The following CTBP2 variants were observed in gnomAD, a reference collection of about 807,000 sequenced individuals.
The protein encoded by CTBP2 is C-terminal-binding protein 2.
CTBP2 carries 30 observed loss-of-function variants against 80.3 expected under a neutral mutation model. That is an observed-to-expected ratio of 0.37 (90% confidence interval 0.28 to 0.51). The LOEUF is 0.51. Ranked by LOEUF, CTBP2 falls within the 20% of genes least tolerant of loss-of-function variation. CTBP2 has a pLI of 0.93. For synonymous variants in CTBP2, 594 were observed against 587.4 expected (o/e 1.01, Z -0.16); for missense variants, 1,212 against 1,375.3 (o/e 0.88, Z 1.88).
At chr10:125,098,647 T>G (rs1199394313) in intron 2 of CTBP2, among the ~76,000 whole-genome samples, 20 of 21,582 alleles carry the variant, frequency 9.3e-4, no homozygotes, top group Non-Finnish European at 1.3e-3. Flanking sequence ...GAGAGAGAAA[T>G]GGGGGAGGGG....
intron 2 of CTBP2, among the ~76,000 whole-genome samples, chr10:125,097,808 A>G (rs1849772821): frequency 6.6e-6 from 1 of 152,134 alleles, no homozygotes; most frequent in South Asian, 2.1e-4. Flanking sequence ...AGGTACAAGC[A>G]GAAGGCAAAA....
chr10:125,115,487 T>C (rs1853094106), intron 1 of CTBP2, among the ~76,000 whole-genome samples: 1 of 152,174 alleles, frequency 6.6e-6, no homozygotes, highest in Non-Finnish European at 1.5e-5. Context: ...TGAGAAGTAG[T>C]ATCCTGCCTG....
intron 2 of CTBP2, among the ~76,000 whole-genome samples, chr10:125,101,423 T>C (rs555196136): frequency 4.7e-4 from 72 of 152,336 alleles, no homozygotes; most frequent in South Asian, 2.3e-3. Flanking sequence ...CAGGTGGGCA[T>C]AGGAGCGGGT....
At chr10:124,997,842 G>A (rs979040973) in intron 4 of CTBP2, 122 bp downstream of exon 6, 1 of 1,012,566 alleles carries the variant, frequency 9.9e-7, no homozygotes, top group Admixed American at 2.4e-5. Flanking sequence ...CACGGGGAGG[G>A]TGCTGGCCCT....
At chr10:125,133,073 A>C (rs1433834709) in intron 1 of CTBP2, among the ~76,000 whole-genome samples, 1 of 152,140 alleles carries the variant, frequency 6.6e-6, no homozygotes, top group African/African-American at 2.4e-5. Flanking sequence ...CCTGCTTGCT[A>C]AATCTCCTTG....
chr10:125,144,583 G>T (rs1354851260), intron 1 of CTBP2, among the ~76,000 whole-genome samples: 1 of 152,162 alleles, frequency 6.6e-6, no homozygotes, highest in Non-Finnish European at 1.5e-5. Context: ...TAAAACAGCA[G>T]GTATCACTCC....
rs1403408376 is a variant in CTBP2 at position 125,028,025 on chromosome 10, G to C, written c.-266C>G. 2 of 892,754 alleles carry C rather than the reference G, an allele frequency of 2.2e-6. No individual in the cohort carries two copies. The highest frequency in any genetic ancestry group is 3.0e-6 in the Non-Finnish European group (2 of 676,822). 55.3% of individuals were successfully genotyped at this position (892,754 alleles called of 1,614,324 possible). On this transcript the variant is annotated 5_prime_UTR_variant, in exon 1 of 9. Transcript: ENST00000309035. ...TTCCTTACAGCTCAGTCCCGGAGAG[G>C]AGGCTGTCCCCAGCCTGCCAGGTCC... is the stretch of plus-strand genomic sequence containing the variant.
chr10:125,026,682 G>C lies in CTBP2; in HGVS notation c.1078C>G (p.Arg360Gly). The C allele has an allele frequency of 6.2e-7, 1 of 1,609,230 alleles. No homozygotes were observed. The highest frequency in any genetic ancestry group is 8.5e-7 in the Non-Finnish European group (1 of 1,178,360). Residue 360 changes from arginine to glycine, a missense_variant, in exon 1 of 9, where the codon CGG becomes GGG. Physicochemically the swap from Arg to Gly is moderately radical, Grantham distance 125. Around this residue, in one of 3 missense-constraint regions of CTBP2, gnomAD observed 848 missense variants for 782.3 expected, o/e 1.08. Coordinates refer to ENST00000309035, the MANE Select transcript of CTBP2 (RefSeq NM_022802.3). ...CGCGCCCGGGGCAGCGGGCCCCCCC[G>C]GTCCTGCCTCCGCAGCTGCATTTCG...
intron 1 of CTBP2, among the ~76,000 whole-genome samples, chr10:125,006,917 C>T (rs986099451): frequency 1.3e-5 from 2 of 152,240 alleles, no homozygotes; most frequent in African/African-American, 4.8e-5. Context: ...ACGGCCTTTT[C>T]CATGCGTACA....
chr10:125,023,948 A>G (rs1957300446), intron 1 of CTBP2, among the ~76,000 whole-genome samples: 2 of 152,294 alleles, frequency 1.3e-5, no homozygotes, highest in African/African-American at 4.8e-5. Flanking sequence ...GAAGCACTTG[A>G]GTTAGGCGGC....
chr10:125,045,797 T>C (rs1961091078), intron 2 of CTBP2, among the ~76,000 whole-genome samples: 1 of 152,188 alleles, frequency 6.6e-6, no homozygotes, highest in South Asian at 2.1e-4. Flanking sequence ...GTCGTGACCC[T>C]TTCTAATATA....
At chr10:125,010,879 T>G (rs1362820004) in intron 1 of CTBP2, among the ~76,000 whole-genome samples, 1 of 152,124 alleles carries the variant, frequency 6.6e-6, no homozygotes, top group African/African-American at 2.4e-5. Flanking sequence ...TTTCCTCCAG[T>G]GAGGTACAAC....
At chr10:125,067,347 T>C (rs186239176) in intron 2 of CTBP2, among the ~76,000 whole-genome samples, 31 of 152,276 alleles carry the variant, frequency 2.0e-4, no homozygotes, top group African/African-American at 7.2e-4. Context: ...GATTCTGGGA[T>C]GGAAAAAGGA....
At chr10:124,990,863 G>C (rs76497870) in intron 8 of CTBP2, among the ~76,000 whole-genome samples, 1 of 152,176 alleles carries the variant, frequency 6.6e-6, no homozygotes, top group Non-Finnish European at 1.5e-5. Context: ...CTGCCTGGCC[G>C]TCACCAGAAC....
At chr10:125,121,385 G>A (rs1206464334) in intron 1 of CTBP2, among the ~76,000 whole-genome samples, 1 of 152,202 alleles carries the variant, frequency 6.6e-6, no homozygotes, top group Non-Finnish European at 1.5e-5. Context: ...AAAGAGGCCT[G>A]AAGGAAACCG....
chr10:125,139,807 G>A (rs1268995791), intron 1 of CTBP2, among the ~76,000 whole-genome samples: 2 of 152,192 alleles, frequency 1.3e-5, no homozygotes, highest in African/African-American at 4.8e-5. Context: ...CCTTGTGGCT[G>A]CCTAGAACTG....
At chr10:125,106,766 C>A (rs71488655) in intron 2 of CTBP2, among the ~76,000 whole-genome samples, 8,968 of 152,312 alleles carry the variant, frequency 0.059, 262 homozygotes, top group Middle Eastern at 0.078. Flanking sequence ...AAATTCAGGC[C>A]TTCTGCCTGG....
chr10:125,155,851 T>G (rs1018056601), intron 1 of CTBP2, among the ~76,000 whole-genome samples: 1 of 152,192 alleles, frequency 6.6e-6, no homozygotes, highest in South Asian at 2.1e-4. Context: ...TAAGACATGC[T>G]TACCAGCTGT....
intron 1 of CTBP2, among the ~76,000 whole-genome samples, chr10:125,016,107 T>C (rs982371372): frequency 3.3e-4 from 51 of 152,338 alleles, no homozygotes; most frequent in African/African-American, 1.2e-3. Context: ...GCAGTGAGAC[T>C]GGGGTCTGGG....
Sources: allele counts gnomAD v4.1 joint callset (sites outside exome capture counted in the v4.1 genomes callset), GRCh38; gene constraint gnomAD v4.1.1; regional missense constraint gnomAD v4.1.1; transcripts MANE v1.5; gene names NCBI Gene and HGNC (gene_info 2026-07-23, HGNC 2026-07-21).